GRIA4: variants seen among roughly 807,000 people sequenced by gnomAD.
GRIA4 encodes glutamate ionotropic receptor AMPA type subunit 4.
Under a neutral mutation model 104.0 loss-of-function variants are expected in GRIA4, and 34 were observed. The ratio of observed to expected loss-of-function variants is 0.33; its 90% CI spans 0.25 to 0.44. The LOEUF (loss-of-function observed/expected upper bound fraction) is 0.44. Among genes scored for constraint, GRIA4 ranks in the 20% least tolerant of loss-of-function variants. GRIA4 has a pLI of 1.00. For missense variants in GRIA4, 750 were observed against 1,096.5 expected (o/e 0.68, Z 4.46); for synonymous variants, 386 against 381.9 (o/e 1.01, Z -0.13).
At chr11:105,976,636 T>C (rs1858996961) in intron 16 of GRIA4, among the ~76,000 whole-genome samples, 1 of 152,064 alleles carries the variant, frequency 6.6e-6, no homozygotes, top group African/African-American at 2.4e-5. Context: ...TCTATGACCA[T>C]AATTATGGAA....
In GRIA4 at chr11:105,959,013, C is replaced by T. The variant is rs1279394372; in HGVS notation, c.2295-12901C>T. On this transcript the variant is annotated intron_variant, in intron 14 of 16. Coordinates refer to ENST00000282499, the MANE Select transcript of GRIA4 (RefSeq NM_000829.4). The stretch of plus-strand genomic sequence containing the variant: ...CTGATGCACTTCCCTTTGTAGGTGA[C>T]CTGGCCTGCCTCTCTGGCTGCCCTG... 2.6e-5 allele frequency among the ~76,000 whole-genome samples: 4 copies of T among 152,146 alleles called. No homozygotes were observed. The East Asian group carries it at 7.7e-4, about 29-fold the overall frequency.
intron 3 of GRIA4, among the ~76,000 whole-genome samples, chr11:105,687,906 T>G (rs1169808610): frequency 6.6e-6 from 1 of 152,208 alleles, no homozygotes; most frequent in South Asian, 2.1e-4. Flanking sequence ...TTATCAATTT[T>G]ATTTATCTTC....
chr11:105,705,666 A>T (rs1478873841), intron 3 of GRIA4, among the ~76,000 whole-genome samples: 1 of 152,176 alleles, frequency 6.6e-6, no homozygotes, highest in Non-Finnish European at 1.5e-5. Flanking sequence ...AAGTTCAAAT[A>T]CAAACACAAT....
intron 3 of GRIA4, among the ~76,000 whole-genome samples, chr11:105,739,772 A>T: frequency 6.6e-6 from 1 of 152,174 alleles, no homozygotes; most frequent in Non-Finnish European, 1.5e-5. Flanking sequence ...GACTTTGTAA[A>T]GTTTTCAAAT....
chr11:105,792,184 A>G (rs987845519), intron 4 of GRIA4, among the ~76,000 whole-genome samples: 2 of 152,208 alleles, frequency 1.3e-5, no homozygotes, highest in South Asian at 4.1e-4. Context: ...AGCTTGTAAC[A>G]TAAAAGTAAA....
chr11:105,899,179 G>A (rs921027389), intron 7 of GRIA4, among the ~76,000 whole-genome samples: 4 of 152,120 alleles, frequency 2.6e-5, no homozygotes, highest in Admixed American at 2.6e-4. Flanking sequence ...CCTCAGCTCT[G>A]CTTCTATTTT....
At chr11:105,722,419 T>C (rs372494664) in intron 3 of GRIA4, among the ~76,000 whole-genome samples, 1 of 152,156 alleles carries the variant, frequency 6.6e-6, no homozygotes. Flanking sequence ...TTATGATTTG[T>C]TCTACTTATA....
At chr11:105,955,795 T>C (rs540945809) in intron 14 of GRIA4, among the ~76,000 whole-genome samples, 224 of 152,320 alleles carry the variant, frequency 1.5e-3, no homozygotes, top group African/African-American at 5.2e-3. Context: ...TTTCCTGATT[T>C]TTTAAAAATC....
chr11:105,803,497 T>A (rs1267090642), intron 4 of GRIA4, among the ~76,000 whole-genome samples: 3 of 151,984 alleles, frequency 2.0e-5, no homozygotes, highest in African/African-American at 7.2e-5. Context: ...ACAAAAGTTA[T>A]TAATTATACA....
intron 3 of GRIA4, among the ~76,000 whole-genome samples, chr11:105,700,692 G>A (rs776851016): frequency 1.3e-5 from 2 of 151,894 alleles, no homozygotes; most frequent in African/African-American, 2.4e-5. Context: ...CCATGCATTC[G>A]AAATGCCAAG....
intron 3 of GRIA4, among the ~76,000 whole-genome samples, chr11:105,740,351 G>A (rs1939228668): frequency 6.6e-6 from 1 of 152,204 alleles, no homozygotes; most frequent in South Asian, 2.1e-4. Flanking sequence ...GGTCAACTCA[G>A]CAACCTGAAA....
intron 4 of GRIA4, among the ~76,000 whole-genome samples, chr11:105,840,901 A>T (rs1944370205): frequency 6.6e-6 from 1 of 152,170 alleles, no homozygotes; most frequent in African/African-American, 2.4e-5. Context: ...TTACTTTTGT[A>T]ACTTTTTCAT....
intron 4 of GRIA4, among the ~76,000 whole-genome samples, chr11:105,810,758 C>A (rs1355961922): frequency 6.6e-6 from 1 of 152,074 alleles, no homozygotes; most frequent in Non-Finnish European, 1.5e-5. Flanking sequence ...ATAATCCCCC[C>A]ACCCCACCCT....
intron 3 of GRIA4, among the ~76,000 whole-genome samples, chr11:105,704,138 A>C (rs1172723427): frequency 2.0e-5 from 3 of 152,078 alleles, no homozygotes; most frequent in African/African-American, 7.2e-5. Flanking sequence ...TGTAGCAGCC[A>C]CTAAAGAAAT....
chr11:105,745,019 AT>A (rs1358382910), intron 3 of GRIA4, among the ~76,000 whole-genome samples: 1 of 152,248 alleles, frequency 6.6e-6, no homozygotes, highest in African/African-American at 2.4e-5. Context: ...CATGAAAAAC[AT>A]TTTTTAAGTC....
chr11:105,888,157 G>T (rs530881310), intron 6 of GRIA4, among the ~76,000 whole-genome samples: 1 of 151,814 alleles, frequency 6.6e-6, no homozygotes, highest in African/African-American at 2.4e-5. Context: ...TAGTGTAGGG[G>T]GTAGATTATG....
chr11:105,793,366 C>G (rs1035150465), intron 4 of GRIA4, among the ~76,000 whole-genome samples: 2 of 152,128 alleles, frequency 1.3e-5, no homozygotes, highest in Non-Finnish European at 2.9e-5. Flanking sequence ...AGGGACAATA[C>G]AGGTCAAGCA....
intron 3 of GRIA4, among the ~76,000 whole-genome samples, chr11:105,641,786 C>T (rs1951368201): frequency 6.6e-6 from 1 of 152,186 alleles, no homozygotes; most frequent in Admixed American, 6.6e-5. Context: ...CTATTTCTTA[C>T]AGCATACAAA....
intron 14 of GRIA4, among the ~76,000 whole-genome samples, chr11:105,956,279 C>T (rs569236045): frequency 2.0e-5 from 3 of 152,078 alleles, no homozygotes; most frequent in South Asian, 4.2e-4. Context: ...CCACAACAGG[C>T]CCCAGTTTGT....
Sources: allele counts gnomAD v4.1 joint callset (sites outside exome capture counted in the v4.1 genomes callset), GRCh38; gene constraint gnomAD v4.1.1; transcripts MANE v1.5; gene names NCBI Gene and HGNC (gene_info 2026-07-23, HGNC 2026-07-21).